Variants in MYO5B observed in about 807,000 individuals in gnomAD.
The protein encoded by MYO5B is unconventional myosin-Vb.
MYO5B carries 143 observed loss-of-function variants against 229.3 expected under a neutral mutation model. That is an observed-to-expected ratio of 0.62 (90% CI 0.54 to 0.72). The LOEUF (loss-of-function observed/expected upper bound fraction) is 0.72, where lower values mean the gene tolerates loss of function less well. Ranked by LOEUF, MYO5B falls within the 30% of genes least tolerant of loss-of-function variation. The pLI, the probability that MYO5B is intolerant of heterozygous loss-of-function variation, is 0.00. For synonymous variants in MYO5B, 918 were observed against 885.2 expected (o/e 1.04, Z -0.66); for missense variants, 2,321 against 2,331.0 (o/e 1.00, Z 0.09).
intron 17 of MYO5B, among the ~76,000 whole-genome samples, chr18:49,927,680 T>C (rs2025144864): frequency 6.6e-6 from 1 of 152,168 alleles, no homozygotes; most frequent in Non-Finnish European, 1.5e-5. Context: ...GCTGGGATAA[T>C]TGGCTAGCCA....
At chr18:49,974,193 A>G (rs571332898) in intron 10 of MYO5B, among the ~76,000 whole-genome samples, 157 bp downstream of exon 10, 1 of 152,286 alleles carries the variant, frequency 6.6e-6, no homozygotes, top group South Asian at 2.1e-4. Flanking sequence ...AGGCCCCATC[A>G]TTGTGTCAAC....
At chr18:50,076,921 G>A (rs2031091876) in intron 1 of MYO5B, among the ~76,000 whole-genome samples, 1 of 68,384 alleles carries the variant, frequency 1.5e-5, no homozygotes, top group Non-Finnish European at 3.0e-5. Context: ...CTAAAAAACT[G>A]ATGTTGCAAA....
rs148394442 is a variant in MYO5B, at chr18:50,082,706, G to A, written c.28-27328C>T. 3.3e-3 allele frequency among the ~76,000 whole-genome samples: 496 copies of A among 152,150 alleles called. 3 individuals carry two copies. Among genetic ancestry groups the A allele is most frequent in the African/African-American group, 0.011 (466 of 41,514 alleles). Reference sequence around the variant, plus strand: ...CTAGGAGCTAAGACCATTAGACAACGCATGCTTATTTTACTTCAGTTAAAA... The same window carrying A: ...CTAGGAGCTAAGACCATTAGACAACACATGCTTATTTTACTTCAGTTAAAA... On this transcript the variant is annotated intron_variant, in intron 1 of 39. Transcript: ENST00000285039.
chr18:50,131,722 A>T (rs2032257235), intron 1 of MYO5B, among the ~76,000 whole-genome samples: 1 of 152,254 alleles, frequency 6.6e-6, no homozygotes, highest in Admixed American at 6.5e-5. Flanking sequence ...CAGTACTGAG[A>T]TCAGTGAAAA....
At chr18:49,913,838 A>C (rs1056371219) in intron 17 of MYO5B, among the ~76,000 whole-genome samples, 3 of 152,082 alleles carry the variant, frequency 2.0e-5, no homozygotes, top group African/African-American at 7.2e-5. Context: ...GATCAGTGGC[A>C]GAACAGCACG....
At chr18:50,131,123 C>T (rs62101468) in intron 1 of MYO5B, among the ~76,000 whole-genome samples, 26,205 of 152,178 alleles carry the variant, frequency 0.17, 2,502 homozygotes, top group East Asian at 0.25. Flanking sequence ...ACATCTAGCA[C>T]GGCACTTTAA....
Position 49,885,568 on chromosome 18 carries a change from G to C in MYO5B, c.3046-5113C>G, listed in dbSNP as rs111415753. 6.1e-3 allele frequency among the ~76,000 whole-genome samples: 927 copies of C among 152,280 alleles called. 10 individuals carry two copies. Among genetic ancestry groups the C allele is most frequent in the African/African-American group, 0.017 (699 of 41,540 alleles). ...GTTTGGACGTTCATTTCCTCCAAAT[G>C]CATGAGGTTTGAATTTCAACTGGTT... On this transcript the variant is annotated intron_variant, in intron 22 of 39. Transcript: ENST00000285039.
At chr18:50,002,699 A>G (rs1385568494) in intron 4 of MYO5B, among the ~76,000 whole-genome samples, 1 of 152,086 alleles carries the variant, frequency 6.6e-6, no homozygotes, top group East Asian at 1.9e-4. Flanking sequence ...CTCTGCTTTC[A>G]CTCCCCAGTG....
chr18:49,867,576 CT>C (rs903657670), intron 27 of MYO5B, among the ~76,000 whole-genome samples: 7 of 152,138 alleles, frequency 4.6e-5, no homozygotes, highest in Non-Finnish European at 1.0e-4. Flanking sequence ...GGCAGGAAAC[CT>C]TTCTGTAGAG....
At chr18:50,019,224 T>C (rs1028806226) in intron 4 of MYO5B, among the ~76,000 whole-genome samples, 1 of 152,212 alleles carries the variant, frequency 6.6e-6, no homozygotes, top group Admixed American at 6.5e-5. Flanking sequence ...TATTATGTAA[T>C]ATAAACGCAT....
intron 12 of MYO5B, among the ~76,000 whole-genome samples, chr18:49,961,455 T>C (rs557218805): frequency 8.0e-4 from 122 of 152,364 alleles, no homozygotes; most frequent in South Asian, 3.3e-3. Flanking sequence ...AAGGAAACAC[T>C]TCCTACCAAA....
chr18:49,878,796 T>C, intron 24 of MYO5B, 149 bp downstream of exon 24: 4 of 965,544 alleles, frequency 4.1e-6, no homozygotes, highest in South Asian at 2.9e-5. Context: ...TCCAGCTACC[T>C]TTGCCTCTCT....
At chr18:50,130,963 G>T (rs1315352446) in intron 1 of MYO5B, among the ~76,000 whole-genome samples, 4 of 152,116 alleles carry the variant, frequency 2.6e-5, no homozygotes, top group Non-Finnish European at 5.9e-5. Flanking sequence ...GTAGTTACAT[G>T]GCAGAAAAAC....
intron 29 of MYO5B, among the ~76,000 whole-genome samples, chr18:49,862,839 A>C (rs2024347044): frequency 2.0e-5 from 3 of 152,022 alleles, no homozygotes; most frequent in Admixed American, 2.0e-4. Context: ...CACTGCATGC[A>C]TGAGAAGGGC....
chr18:49,880,637 A>G, intron 22 of MYO5B, 182 bp from the exon 23 acceptor site: 1 of 634,884 alleles, frequency 1.6e-6, no homozygotes, highest in Admixed American at 2.4e-5. Context: ...CATTAAAACA[A>G]GACAGATGAG....
chr18:49,990,504 T>C lies in MYO5B; in HGVS notation c.773A>G (p.Asn258Ser), dbSNP rs779766463. Reference protein sequence around the residue: ...RVVFQADDERNYHIFYQLCAA... With the variant: ...RVVFQADDERSYHIFYQLCAA... ...ACAGAGCTGGTAAAAGATGTGGTAA[T>C]TCCTCTCATCATCTGCCTGGAGGAG... Residue 258 changes from asparagine (N) to serine (S), a missense_variant, in exon 7 of 40, where the codon AAT (asparagine) becomes AGT (serine). This residue lies in a region of MYO5B where 2,113 missense variants were observed against 2,044.7 expected (regional missense o/e 1.03). Coordinates refer to ENST00000285039, the MANE Select transcript of MYO5B (RefSeq NM_001080467.3). The C allele has an allele frequency of 6.2e-7, 1 of 1,613,712 alleles. No individual in the cohort carries two copies. The highest frequency in any genetic ancestry group is 2.2e-5 in the East Asian group (1 of 44,844).
chr18:50,118,625 T>TC (rs1555660698), intron 1 of MYO5B, among the ~76,000 whole-genome samples: 2 of 107,870 alleles, frequency 1.9e-5, no homozygotes, highest in African/African-American at 6.7e-5. Context: ...TGTTGGCATT[T>TC]CTTTTTTTTT....
At chr18:50,065,850 C>T (rs1247459775) in intron 1 of MYO5B, among the ~76,000 whole-genome samples, 2 of 152,056 alleles carry the variant, frequency 1.3e-5, no homozygotes, top group African/African-American at 4.8e-5. Flanking sequence ...AAGGAGGTAG[C>T]TGGGCAAGAT....
chr18:50,043,628 AAATATATT>A (rs1322153283), intron 2 of MYO5B, among the ~76,000 whole-genome samples: 1 of 135,750 alleles, frequency 7.4e-6, no homozygotes, highest in African/African-American at 2.7e-5. Flanking sequence ...ATAAATATAT[AAATATATT>A]AAATATATTT....
Sources: gnomAD v4.1 joint callset for allele counts (sites outside exome capture counted in the v4.1 genomes callset) on GRCh38, gnomAD v4.1.1 for gene constraint, gnomAD v4.1.1 regional missense constraint, MANE v1.5 for transcripts, NCBI Gene and HGNC (gene_info 2026-07-23, HGNC 2026-07-21) for gene names.